Variants in C5orf46 observed in about 807,000 individuals in gnomAD.
C5orf46 encodes the protein chromosome 5 open reading frame 46.
A neutral mutation model predicts 8.9 loss-of-function variants in C5orf46; 9 were observed. The ratio of observed to expected loss-of-function variants is 1.01; its 90% CI spans 0.61 to 1.76. C5orf46 has a LOEUF of 1.76. Ranked by LOEUF, C5orf46 falls within the 40% of genes most tolerant of loss-of-function variation. The pLI, the probability that C5orf46 is intolerant of heterozygous loss-of-function variation, is 0.00. For missense variants in C5orf46, 98 were observed against 107.8 expected (o/e 0.91, Z 0.40); for synonymous variants, 47 against 41.4 (o/e 1.14, Z -0.52).
chr5:147,887,202 A>G (rs1277077951), intron 2 of C5orf46: 2 of 152,172 alleles, frequency 1.3e-5, no homozygotes, highest in African/African-American at 4.8e-5. Flanking sequence ...CTCGCAGGCT[A>G]TTGAGGCAGA....
downstream of C5orf46, among the ~76,000 whole-genome samples, chr5:147,887,955 C>T (rs115975407): frequency 2.0e-5 from 3 of 152,174 alleles, no homozygotes; most frequent in Non-Finnish European, 4.4e-5. Context: ...CACAGGGACA[C>T]AAGCCAAGGT....
At chr5:147,899,878 C>T (rs1186297994) in intron 2 of C5orf46, among the ~76,000 whole-genome samples, 1 of 152,040 alleles carries the variant, frequency 6.6e-6, no homozygotes, top group Non-Finnish European at 1.5e-5. Context: ...TAATTTCTAG[C>T]AACAGAAAGA....
chr5:147,887,736 G>A (rs1178903014), downstream of C5orf46: 1 of 152,186 alleles, frequency 6.6e-6, no homozygotes, highest in East Asian at 1.9e-4. Flanking sequence ...CCTAAGAAAG[G>A]TCACAGTGAC....
chr5:147,886,276 G>C (rs1282555086), intron 2 of C5orf46: 1 of 152,084 alleles, frequency 6.6e-6, no homozygotes, highest in Non-Finnish European at 1.5e-5. Flanking sequence ...ATCAATGTCA[G>C]CATACTGGTT....
intron 2 of C5orf46, among the ~76,000 whole-genome samples, chr5:147,898,250 G>C (rs1757613624): frequency 6.6e-6 from 1 of 152,148 alleles, no homozygotes; most frequent in Non-Finnish European, 1.5e-5. Flanking sequence ...TGACCAACTA[G>C]TCAGTGGAGC....
At chr5:147,903,944 C>T (rs919863250) in intron 1 of C5orf46, among the ~76,000 whole-genome samples, 5 of 152,148 alleles carry the variant, frequency 3.3e-5, no homozygotes, top group East Asian at 1.9e-4. Context: ...GACGGGGTTT[C>T]GCCATATTGC....
chr5:147,893,387 C>A (rs140116152), intron 3 of C5orf46, among the ~76,000 whole-genome samples: 1 of 149,904 alleles, frequency 6.7e-6, no homozygotes, highest in Non-Finnish European at 1.5e-5. Flanking sequence ...CAGGTTCAAG[C>A]GATTCTTCTG....
rs572524636 is a variant in C5orf46 at position 147,900,577 on chromosome 5, G to A, written c.215+1052C>T. ...AACCCAGAACATCTGATCAAGGCAT[G>A]GCTTTTGAAAATTTCTGTATATCAG... On this transcript the variant is annotated intron_variant, in intron 2 of 3. Transcript: ENST00000318315. Among the ~76,000 whole-genome samples, 11 of 152,290 alleles carry A rather than the reference G, an allele frequency of 7.2e-5. No individual in the cohort carries two copies. The East Asian group carries it at 1.9e-3, about 27-fold the overall frequency.
chr5:147,904,175 T>A (rs7715834), intron 1 of C5orf46, among the ~76,000 whole-genome samples: 5,971 of 152,230 alleles, frequency 0.039, 298 homozygotes, highest in East Asian at 0.11. Context: ...TTTGTTTTTA[T>A]TGTGGGAAGG....
chr5:147,898,626 C>A (rs530223721), intron 2 of C5orf46, among the ~76,000 whole-genome samples: 1 of 152,148 alleles, frequency 6.6e-6, no homozygotes, highest in South Asian at 2.1e-4. Context: ...TGTGAAGAAC[C>A]AAGCACGTTT....
intron 3 of C5orf46, among the ~76,000 whole-genome samples, chr5:147,895,164 T>G (rs1757561702): frequency 6.6e-6 from 1 of 152,120 alleles, no homozygotes; most frequent in Non-Finnish European, 1.5e-5. Context: ...GTCTCATGCC[T>G]ATAATCGGAA....
chr5:147,904,741 A>G (rs923817563), intron 1 of C5orf46, among the ~76,000 whole-genome samples: 11 of 151,990 alleles, frequency 7.2e-5, no homozygotes, highest in African/African-American at 2.7e-4. Context: ...AAAATTAGCC[A>G]TGTAAACTTG....
chr5:147,899,736 A>G (rs976134174), intron 2 of C5orf46, among the ~76,000 whole-genome samples: 2 of 152,242 alleles, frequency 1.3e-5, no homozygotes, highest in African/African-American at 4.8e-5. Flanking sequence ...AGACAGTATT[A>G]ACAAGAATGG....
intron 3 of C5orf46, among the ~76,000 whole-genome samples, chr5:147,896,681 C>T (rs187689665): frequency 5.1e-4 from 77 of 152,080 alleles, no homozygotes; most frequent in Non-Finnish European, 8.7e-4. Flanking sequence ...TGCGTGCTAG[C>T]CCCTCATTTC....
chr5:147,895,566 C>T (rs1262200860), intron 3 of C5orf46, among the ~76,000 whole-genome samples: 7 of 152,156 alleles, frequency 4.6e-5, no homozygotes, highest in African/African-American at 2.4e-5. Context: ...TACATCTTGT[C>T]TATGTCTTCT....
downstream of C5orf46, among the ~76,000 whole-genome samples, chr5:147,889,833 G>A (rs1177747868): frequency 4.6e-5 from 7 of 152,134 alleles, no homozygotes; most frequent in Non-Finnish European, 1.0e-4. Context: ...TACTAAGTAT[G>A]AGGATTCAAT....
At chr5:147,892,031 C>A (rs1043372655), downstream of C5orf46, among the ~76,000 whole-genome samples, 1 of 152,190 alleles carries the variant, frequency 6.6e-6, no homozygotes, top group Non-Finnish European at 1.5e-5. Context: ...CCCAAGATAG[C>A]TTTTGAGAAC....
rs536214580 is a variant in C5orf46 at position 147,893,124 on chromosome 5, C to CA, written c.*10-186dup. Reference sequence around the variant, plus strand: ...TTGAGGAAATGAGCAACAAAAACAACAAAGCAAAAATTCAGAGTATATAAA... The same window carrying CA: ...TTGAGGAAATGAGCAACAAAAACAACAAAAGCAAAAATTCAGAGTATATAAA... On this transcript the variant is annotated intron_variant, in intron 3 of 3. Coordinates refer to ENST00000318315, the MANE Select transcript of C5orf46 (RefSeq NM_206966.3). Among the ~76,000 whole-genome samples the CA allele has an allele frequency of 3.6e-3, 548 of 151,874 alleles. 4 individuals carry two copies. The highest frequency in any genetic ancestry group is 0.013 in the African/African-American group (529 of 41,396).
At chr5:147,892,533 A>G (rs1580981254), downstream of C5orf46, among the ~76,000 whole-genome samples, 2 of 152,232 alleles carry the variant, frequency 1.3e-5, no homozygotes, top group East Asian at 1.9e-4. Context: ...TCTGTCACTT[A>G]TTGGCTCTGT....
Sources: gnomAD v4.1 joint callset for allele counts (sites outside exome capture counted in the v4.1 genomes callset) on GRCh38, gnomAD v4.1.1 for gene constraint, MANE v1.5 for transcripts, NCBI Gene and HGNC (gene_info 2026-07-23, HGNC 2026-07-21) for gene names.